The following TNNT2 variants were observed in gnomAD, a reference collection of about 807,000 sequenced individuals.
The protein encoded by TNNT2 is troponin T2, cardiac type.
Under a neutral mutation model 62.4 loss-of-function variants are expected in TNNT2, and 34 were observed. The ratio of observed to expected loss-of-function variants is 0.54; its 90% CI spans 0.41 to 0.72. The LOEUF (loss-of-function observed/expected upper bound fraction) is 0.72, where lower values mean the gene tolerates loss of function less well. Ranked by LOEUF, TNNT2 falls within the 30% of genes least tolerant of loss-of-function variation. The pLI is 0.00. For synonymous variants in TNNT2, 123 were observed against 127.2 expected (o/e 0.97, Z 0.22); for missense variants, 275 against 381.9 (o/e 0.72, Z 2.33).
At chr1:201,377,508 A>G (rs1002516236) in intron 1 of TNNT2, 115 bp downstream of exon 1, 13 of 456,100 alleles carry the variant, frequency 2.9e-5, no homozygotes, top group South Asian at 1.9e-4. Context: ...AGGAGGGGCC[A>G]TGGACTTCTG....
chr1:201,364,247 G>A, intron 11 of TNNT2, 51 bp downstream of exon 11: 1 of 1,550,302 alleles, frequency 6.5e-7, no homozygotes. Flanking sequence ...GGGCCCAGCA[G>A]GAGCTGGGAG....
At chr1:201,365,697 C>A in intron 8 of TNNT2, 27 bp from the exon 9 acceptor site, 1 of 1,612,276 alleles carries the variant, frequency 6.2e-7, no homozygotes, top group Non-Finnish European at 8.5e-7. Flanking sequence ...TAGTCAGCAT[C>A]AGCCCCATTC....
At chr1:201,366,349 C>T (rs767864739) in intron 8 of TNNT2, 5 of 937,102 alleles carry the variant, frequency 5.3e-6, no homozygotes, top group Non-Finnish European at 6.1e-6. Flanking sequence ...AAGGGAAATG[C>T]TCCCTATCCC....
chr1:201,372,553 G>C (rs1452265643), intron 2 of TNNT2, among the ~76,000 whole-genome samples: 1 of 152,086 alleles, frequency 6.6e-6, no homozygotes, highest in Non-Finnish European at 1.5e-5. Flanking sequence ...TCCAGCCCCT[G>C]ATCTCCCTCT....
intron 8 of TNNT2, 133 bp from the exon 9 acceptor site, chr1:201,365,803 T>C (rs1385052236): frequency 6.5e-7 from 1 of 1,541,330 alleles, no homozygotes; most frequent in African/African-American, 1.4e-5. Flanking sequence ...GCAATGATAG[T>C]AACACTGACG....
chr1:201,359,260 A>C lies in TNNT2; in HGVS notation c.852-5T>G. 1 of 1,610,490 alleles carries C rather than the reference A, an allele frequency of 6.2e-7. No individual in the cohort carries two copies. The highest frequency in any genetic ancestry group is 8.5e-7 in the Non-Finnish European group (1 of 1,178,920). On this transcript the variant is annotated splice_polypyrimidine_tract_variant and splice_region_variant and intron_variant, in intron 16 of 16. Coordinates refer to ENST00000656932, the MANE Select transcript of TNNT2 (RefSeq NM_001276345.2). ...GCCTTCCCGCGGGTCTTGGAGCTGC[A>C]GGGGAAGCAGGACGCAGTGACATGG...
chr1:201,367,841 G>A (rs1229054853), intron 6 of TNNT2, 35 bp from the exon 7 acceptor site: 11 of 1,613,754 alleles, frequency 6.8e-6, no homozygotes, highest in Non-Finnish European at 9.3e-6. Flanking sequence ...CAAGGTCCTT[G>A]TTCTGAGCTC....
At chr1:201,359,513 A>G (rs1304015305) in intron 16 of TNNT2, 110 bp downstream of exon 16, 2 of 1,177,528 alleles carry the variant, frequency 1.7e-6, no homozygotes, top group African/African-American at 3.1e-5. Flanking sequence ...GCTGAAGCAG[A>G]GGAGGAAGGG....
At chr1:201,367,701 G>A (rs1054592148) in intron 7 of TNNT2, 70 bp downstream of exon 7, 1 of 1,527,912 alleles carries the variant, frequency 6.5e-7, no homozygotes, top group African/African-American at 1.4e-5. Flanking sequence ...GAGCACTGTG[G>A]GCATTCTCCT....
intron 2 of TNNT2, 48 bp from the exon 3 acceptor site, chr1:201,372,203 C>A: frequency 6.2e-7 from 1 of 1,613,586 alleles, no homozygotes; most frequent in Non-Finnish European, 8.5e-7. Flanking sequence ...CAAGCACATG[C>A]AAACACACAC....
At chr1:201,360,066 G>A (rs1658329256) in intron 15 of TNNT2, among the ~76,000 whole-genome samples, 2 of 152,204 alleles carry the variant, frequency 1.3e-5, no homozygotes, top group Admixed American at 1.3e-4. Context: ...CCTTTGAGCA[G>A]TAGCATCCCC....
intron 1 of TNNT2, chr1:201,375,467 G>T (rs1369101185): frequency 1.3e-5 from 2 of 152,218 alleles, no homozygotes; most frequent in African/African-American, 2.4e-5. Context: ...CCCCCAGGGT[G>T]GGGTGAGTGG....
At chr1:201,364,260 TG>T (rs753679229) in intron 11 of TNNT2, 37 bp downstream of exon 11, 47 of 1,597,544 alleles carry the variant, frequency 2.9e-5, no homozygotes, top group Non-Finnish European at 3.9e-5. Context: ...GCTGGGAGCA[TG>T]GGGGGCCTCC....
intron 16 of TNNT2, 44 bp from the exon 17 acceptor site, chr1:201,359,299 G>A (rs1296299703): frequency 4.4e-6 from 7 of 1,600,772 alleles, no homozygotes; most frequent in Non-Finnish European, 5.1e-6. Flanking sequence ...CACAGGCAGG[G>A]TAGTAGGTCA....
intron 15 of TNNT2, chr1:201,360,356 C>A (rs1168147927): frequency 1.3e-5 from 2 of 154,406 alleles, no homozygotes; most frequent in African/African-American, 4.8e-5. Context: ...GCAATAATAA[C>A]AATTAGTATT....
intron 6 of TNNT2, 106 bp from the exon 7 acceptor site, chr1:201,367,912 ACT>A (rs1659943893): frequency 5.0e-6 from 7 of 1,389,244 alleles, no homozygotes; most frequent in Non-Finnish European, 7.2e-6. Flanking sequence ...GCCAAGATGC[ACT>A]CTGTTGGTTT....
chr1:201,373,415 C>T (rs2102318230), intron 1 of TNNT2, 147 bp from the exon 2 acceptor site: 1 of 731,142 alleles, frequency 1.4e-6, no homozygotes, highest in East Asian at 2.6e-5. Context: ...CAACAAAAAG[C>T]CTGTTTTCTC....
intron 8 of TNNT2, 35 bp downstream of exon 8, chr1:201,366,803 T>C (rs1659733675): frequency 1.9e-6 from 3 of 1,613,974 alleles, no homozygotes; most frequent in Admixed American, 1.7e-5. Context: ...CCTGAGCCTC[T>C]GCTCCCGGCT....
At chr1:201,362,349 A>G in intron 13 of TNNT2, 37 bp downstream of exon 13, 20 of 1,612,336 alleles carry the variant, frequency 1.2e-5, no homozygotes, top group Non-Finnish European at 1.7e-5. Flanking sequence ...CTCCAAAACT[A>G]TGGGGAGGAA....
Sources: gnomAD v4.1 joint callset for allele counts (sites outside exome capture counted in the v4.1 genomes callset) on GRCh38, gnomAD v4.1.1 for gene constraint, MANE v1.5 for transcripts, NCBI Gene and HGNC (gene_info 2026-07-23, HGNC 2026-07-21) for gene names.